The following NELL2 variants were observed in gnomAD, a reference collection of about 807,000 sequenced individuals.
NELL2 encodes the protein protein kinase C-binding protein NELL2.
A neutral mutation model predicts 109.6 loss-of-function variants in NELL2; 41 were observed. The observed-to-expected ratio is 0.37, with a 90% CI of 0.29 to 0.49. The LOEUF (loss-of-function observed/expected upper bound fraction) is 0.49, where lower values mean the gene tolerates loss of function less well. Ranked by LOEUF, NELL2 falls within the 20% of genes least tolerant of loss-of-function variation. The probability of loss-of-function intolerance (pLI) is 0.98; values close to 1 mark genes in which losing one functional copy is unlikely to be tolerated. For missense variants in NELL2, 900 were observed against 1,008.3 expected (o/e 0.89, Z 1.45); for synonymous variants, 355 against 344.7 (o/e 1.03, Z -0.33).
chr12:44,600,168 A>G (rs1273316339), intron 15 of NELL2, among the ~76,000 whole-genome samples: 1 of 146,794 alleles, frequency 6.8e-6, no homozygotes, highest in Non-Finnish European at 1.5e-5. Context: ...TTATTTATTT[A>G]TTTATTTATT....
At chr12:44,550,399 C>T (rs1044833345) in intron 15 of NELL2, among the ~76,000 whole-genome samples, 7 of 147,424 alleles carry the variant, frequency 4.7e-5, no homozygotes, top group Non-Finnish European at 9.0e-5. Context: ...AGGAACATGC[C>T]ACCATGCCAG....
intron 1 of NELL2, among the ~76,000 whole-genome samples, chr12:44,891,718 G>A (rs927494395): frequency 1.3e-5 from 2 of 152,076 alleles, no homozygotes; most frequent in African/African-American, 4.8e-5. Context: ...CAGAGCTTGA[G>A]TCTACCTTAG....
intron 13 of NELL2, among the ~76,000 whole-genome samples, chr12:44,650,745 A>G (rs1035228416): frequency 2.4e-5 from 3 of 127,560 alleles, no homozygotes; most frequent in African/African-American, 9.5e-5. Context: ...GATACCAGAG[A>G]GGTCTCTGTC....
chr12:44,618,859 T>C (rs1462843650), intron 13 of NELL2, among the ~76,000 whole-genome samples: 2 of 152,178 alleles, frequency 1.3e-5, no homozygotes, highest in African/African-American at 4.8e-5. Flanking sequence ...GTGTTTTATA[T>C]GCATTATCCT....
At chr12:44,742,987 G>C (rs1193787453) in intron 9 of NELL2, among the ~76,000 whole-genome samples, 4 of 152,066 alleles carry the variant, frequency 2.6e-5, no homozygotes, top group Non-Finnish European at 5.9e-5. Context: ...GCAACACCAA[G>C]ACACGTAATT....
At chr12:44,645,389 T>C (rs903816043) in intron 13 of NELL2, among the ~76,000 whole-genome samples, 1 of 152,186 alleles carries the variant, frequency 6.6e-6, no homozygotes, top group African/African-American at 2.4e-5. Context: ...ACTTCTATAA[T>C]GGAAGGGAGA....
At chr12:44,663,796 T>C (rs190161910) in intron 13 of NELL2, among the ~76,000 whole-genome samples, 4 of 152,326 alleles carry the variant, frequency 2.6e-5, no homozygotes, top group Admixed American at 2.6e-4. Flanking sequence ...CTCTTAAAAA[T>C]ATCCTGCCCT....
At chr12:44,873,495 T>G (rs186227433) in intron 2 of NELL2, among the ~76,000 whole-genome samples, 1 of 152,250 alleles carries the variant, frequency 6.6e-6, no homozygotes, top group Admixed American at 6.5e-5. Context: ...GAATATAAAA[T>G]GCACAGTCCT....
At chr12:44,702,256 C>T (rs1459542402) in intron 12 of NELL2, among the ~76,000 whole-genome samples, 6 of 152,148 alleles carry the variant, frequency 3.9e-5, no homozygotes, top group Admixed American at 3.9e-4. Context: ...TAGTCACCCA[C>T]TAATTCTGTC....
intron 9 of NELL2, among the ~76,000 whole-genome samples, chr12:44,733,268 C>T (rs1212269239): frequency 1.3e-5 from 2 of 151,936 alleles, no homozygotes; most frequent in African/African-American, 4.8e-5. Flanking sequence ...ATGTTCACTG[C>T]AGCATCATTT....
intron 9 of NELL2, among the ~76,000 whole-genome samples, chr12:44,727,556 G>C (rs998082590): frequency 1.8e-4 from 27 of 152,112 alleles, no homozygotes; most frequent in African/African-American, 6.5e-4. Context: ...GAGAAAAGCA[G>C]AAAGAGAGAG....
At chr12:44,887,656 G>GTGTGTGTGTGTGT (rs1360697607) in intron 1 of NELL2, among the ~76,000 whole-genome samples, 1 of 150,532 alleles carries the variant, frequency 6.6e-6, no homozygotes, top group African/African-American at 2.4e-5. Context: ...GTGTGTGTGT[G>GTGTGTGTGTGTGT]TGTTGTTGTT....
intron 9 of NELL2, among the ~76,000 whole-genome samples, chr12:44,719,217 TA>T (rs1471105242): frequency 6.6e-6 from 1 of 152,140 alleles, no homozygotes; most frequent in Non-Finnish European, 1.5e-5. Context: ...AAGTGAAAGG[TA>T]ATTTATAACA....
At position 44,903,873 on chromosome 12, in the gene NELL2, C is replaced by T. The variant is rs538879913; in HGVS notation, c.38+9926G>A. On this transcript the variant is annotated intron_variant, in intron 1 of 20. Coordinates refer to the NELL2 transcript ENST00000333837. ...TGGGCACAGGGAGGGGAATATCACA[C>T]ACTGGGGCCTGTCGGGGGGTGGGGG... Among the ~76,000 whole-genome samples the T allele has an allele frequency of 2.1e-3, 307 of 146,964 alleles. 2 individuals are homozygous for T. Among genetic ancestry groups the T allele is most frequent in the African/African-American group, 6.9e-3 (271 of 39,480 alleles).
chr12:44,776,096 T>TTC lies in NELL2; in HGVS notation c.816_817insGA (p.Thr273GlufsTer5). On this transcript the variant is annotated frameshift_variant, in exon 8 of 20. Transcript: ENST00000429094. LOFTEE classifies it high-confidence loss of function. ...TAGGTGGTTCCCTTCATGGTGCAAG[T>TTC]CCTTTCACAATAGCACTGATCCAAT... is the stretch of plus-strand genomic sequence containing the variant. 1 of 1,614,118 alleles carries TTC rather than the reference T, an allele frequency of 6.2e-7. No homozygotes were observed. Among genetic ancestry groups the TTC allele is most frequent in the Non-Finnish European group, 8.5e-7 (1 of 1,179,982 alleles).
intron 15 of NELL2, among the ~76,000 whole-genome samples, chr12:44,595,792 T>A (rs1944939455): frequency 6.6e-6 from 1 of 152,110 alleles, no homozygotes; most frequent in Non-Finnish European, 1.5e-5. Context: ...TCAAGTTCAC[T>A]CTTATTCAGC....
rs555954872 is a variant in NELL2 at position 44,831,497 on chromosome 12, T to C, written c.185-15361A>G. On this transcript the variant is annotated intron_variant, in intron 2 of 19. Coordinates refer to ENST00000429094, the MANE Select transcript of NELL2 (RefSeq NM_001145108.2). ...GAACTGTTTACCTCTCTGTGGCAGATTGCTAACTGTCCTCCAATAGCAATA... is the reference window on the plus strand; with the variant it reads ...GAACTGTTTACCTCTCTGTGGCAGACTGCTAACTGTCCTCCAATAGCAATA... Among the ~76,000 whole-genome samples the C allele has an allele frequency of 6.6e-5, 10 of 152,328 alleles. No individual in the cohort carries two copies. The East Asian group carries it at 9.6e-4, about 15-fold the overall frequency.
chr12:44,627,933 C>G (rs1242874882), intron 13 of NELL2, among the ~76,000 whole-genome samples: 1 of 152,092 alleles, frequency 6.6e-6, no homozygotes, highest in Admixed American at 6.6e-5. Flanking sequence ...GGAAACCACA[C>G]CAGAAGGCTG....
intron 9 of NELL2, among the ~76,000 whole-genome samples, chr12:44,756,240 A>G (rs1940883554): frequency 6.6e-6 from 1 of 151,976 alleles, no homozygotes; most frequent in South Asian, 2.1e-4. Flanking sequence ...TCTGAATCCT[A>G]TGCTTTCTGC....
Sources: gnomAD v4.1 joint callset for allele counts (sites outside exome capture counted in the v4.1 genomes callset) on GRCh38, gnomAD v4.1.1 for gene constraint, MANE v1.5 for transcripts, NCBI Gene and HGNC (gene_info 2026-07-23, HGNC 2026-07-21) for gene names.